Variants in IL1RAPL2 observed in about 807,000 individuals in gnomAD.
The protein encoded by IL1RAPL2 is interleukin 1 receptor accessory protein like 2.
In IL1RAPL2, 3 loss-of-function variants were observed where a neutral mutation model predicts 44.1. The ratio of observed to expected loss-of-function variants is 0.07; its 90% CI spans 0.03 to 0.18. IL1RAPL2 has a LOEUF of 0.18. Ranked by LOEUF, IL1RAPL2 falls within the 10% of genes least tolerant of loss-of-function variation. The probability of loss-of-function intolerance (pLI) is 1.00; values close to 1 mark genes in which losing one functional copy is unlikely to be tolerated. For missense variants in IL1RAPL2, 391 were observed against 496.4 expected (o/e 0.79, Z 2.02); for synonymous variants, 181 against 178.8 (o/e 1.01, Z -0.10).
In IL1RAPL2 at chrX:104,603,399, C is replaced by T. The variant is rs138876472; in HGVS notation, c.-20+36348C>T. ...CAAAAACCAGAACGCCTCTTCTCCT[C>T]CAAAGGATCACAACTCCTCACCAGC... On this transcript the variant is annotated intron_variant, in intron 1 of 10. Transcript: ENST00000372582. Among the ~76,000 whole-genome samples the T allele has an allele frequency of 3.6e-3, 397 of 111,788 alleles. 2 individuals carry two copies. Among genetic ancestry groups the T allele is most frequent in the African/African-American group, 0.012 (371 of 30,782 alleles).
In IL1RAPL2 at chrX:104,870,044, G is replaced by C. The variant is rs997633419; in HGVS notation, c.82+211049G>C. 5.4e-5 allele frequency among the ~76,000 whole-genome samples: 6 copies of C among 111,723 alleles called. No individual in the cohort carries two copies. The East Asian group carries it at 1.1e-3, about 21-fold the overall frequency. ...CTAACACATGCCTCTGGGATGTTGT[G>C]GTTTTTCCACTATCACTACAATAAA... On this transcript the variant is annotated intron_variant, in intron 2 of 10. Transcript: ENST00000372582.
At chrX:105,588,878 A>G (rs1488336006) in intron 6 of IL1RAPL2, among the ~76,000 whole-genome samples, 1 of 111,921 alleles carries the variant, frequency 8.9e-6, no homozygotes, top group Non-Finnish European at 1.9e-5. Context: ...TAGTAGAACA[A>G]TTTATATACC....
chrX:105,633,303 G>A (rs2037503328), intron 6 of IL1RAPL2, among the ~76,000 whole-genome samples: 2 of 111,810 alleles, frequency 1.8e-5, no homozygotes, highest in South Asian at 7.4e-4. Flanking sequence ...AATTCCATAA[G>A]TTCTTACTTA....
chrX:105,219,408 C>T, intron 3 of IL1RAPL2: 1 of 1,210,587 alleles, frequency 8.3e-7, no homozygotes, highest in Non-Finnish European at 1.1e-6. Flanking sequence ...CTCCCTCCTT[C>T]TGCCCCCAAT....
At chrX:105,513,943 C>T (rs193118757) in intron 6 of IL1RAPL2, among the ~76,000 whole-genome samples, 53 of 110,927 alleles carry the variant, frequency 4.8e-4, no homozygotes, top group Non-Finnish European at 1.1e-4. Context: ...AGTTGATTTT[C>T]GTACAAGGTG....
chrX:105,577,336 C>T, intron 6 of IL1RAPL2, among the ~76,000 whole-genome samples: 1 of 111,109 alleles, frequency 9.0e-6, no homozygotes, highest in Middle Eastern at 4.7e-3. Flanking sequence ...AAGGATTGAA[C>T]CAGATAATTT....
intron 4 of IL1RAPL2, among the ~76,000 whole-genome samples, chrX:105,254,537 T>G (rs1292585183): frequency 8.9e-6 from 1 of 112,388 alleles, no homozygotes; most frequent in East Asian, 2.8e-4. Flanking sequence ...TCTTTTGCTA[T>G]GCAGAAGTTC....
At chrX:105,028,669 T>C (rs768087150) in intron 2 of IL1RAPL2, among the ~76,000 whole-genome samples, 3 of 110,395 alleles carry the variant, frequency 2.7e-5, no homozygotes, top group Non-Finnish European at 3.8e-5. Context: ...GTAATAATGA[T>C]GCCAAGATTG....
chrX:104,955,059 A>C (rs1925677657), intron 2 of IL1RAPL2, among the ~76,000 whole-genome samples: 1 of 112,095 alleles, frequency 8.9e-6, no homozygotes, highest in African/African-American at 3.2e-5. Flanking sequence ...TCCTAGAAAA[A>C]GGGTGGTAAC....
intron 2 of IL1RAPL2, among the ~76,000 whole-genome samples, chrX:105,017,983 G>A (rs1011860932): frequency 4.5e-5 from 5 of 111,372 alleles, no homozygotes; most frequent in Non-Finnish European, 9.5e-5. Context: ...AACACAAAGG[G>A]TTACTAAGAG....
At chrX:105,336,982 C>T (rs1481977550) in intron 5 of IL1RAPL2, among the ~76,000 whole-genome samples, 2 of 111,338 alleles carry the variant, frequency 1.8e-5, no homozygotes, top group African/African-American at 6.5e-5. Flanking sequence ...CTCTTTTTTC[C>T]ATTTCCACCT....
chrX:105,426,580 T>TAA (rs1022861424), intron 5 of IL1RAPL2, among the ~76,000 whole-genome samples: 41 of 111,839 alleles, frequency 3.7e-4, no homozygotes, highest in Middle Eastern at 4.7e-3. Context: ...TTGTAATTTA[T>TAA]AATTCTATAT....
intron 2 of IL1RAPL2, among the ~76,000 whole-genome samples, chrX:105,131,559 A>G (rs1157159980): frequency 9.2e-6 from 1 of 108,782 alleles, no homozygotes; most frequent in Non-Finnish European, 1.9e-5. Flanking sequence ...ATAGGCCAAT[A>G]CAGAAACAGG....
At chrX:104,637,105 C>T in intron 1 of IL1RAPL2, among the ~76,000 whole-genome samples, 1 of 107,482 alleles carries the variant, frequency 9.3e-6, no homozygotes. Flanking sequence ...GTGGAACTAA[C>T]ATTTTTGTTT....
At chrX:105,204,209 T>G (rs2033741772) in intron 3 of IL1RAPL2, among the ~76,000 whole-genome samples, 1 of 111,458 alleles carries the variant, frequency 9.0e-6, no homozygotes, top group Non-Finnish European at 1.9e-5. Context: ...AGTAGTAGAG[T>G]CATATGGTGT....
At chrX:104,570,222 T>A (rs908855933) in intron 1 of IL1RAPL2, among the ~76,000 whole-genome samples, 1 of 112,245 alleles carries the variant, frequency 8.9e-6, no homozygotes, top group Non-Finnish European at 1.9e-5. Context: ...CTCTGAGAAC[T>A]GTCCCTTGAT....
At chrX:104,613,708 C>A (rs1602644139) in intron 1 of IL1RAPL2, among the ~76,000 whole-genome samples, 1 of 110,341 alleles carries the variant, frequency 9.1e-6, no homozygotes, top group Admixed American at 9.7e-5. Context: ...GGGATTCCTC[C>A]CTCCTCTATG....
intron 2 of IL1RAPL2, among the ~76,000 whole-genome samples, chrX:105,037,065 A>T (rs1055789739): frequency 8.9e-6 from 1 of 112,113 alleles, no homozygotes; most frequent in Non-Finnish European, 1.9e-5. Flanking sequence ...AATTTTGCAG[A>T]CATAAATTTT....
At chrX:105,618,633 A>G (rs1056458256) in intron 6 of IL1RAPL2, among the ~76,000 whole-genome samples, 1 of 111,495 alleles carries the variant, frequency 9.0e-6, no homozygotes, top group Non-Finnish European at 1.9e-5. Flanking sequence ...CTGATTCACA[A>G]TTTCCTCATG....
Sources: gnomAD v4.1 joint callset for allele counts (sites outside exome capture counted in the v4.1 genomes callset) on GRCh38, gnomAD v4.1.1 for gene constraint, MANE v1.5 for transcripts, NCBI Gene and HGNC (gene_info 2026-07-23, HGNC 2026-07-21) for gene names.